Variants in CACNB2 observed in about 807,000 individuals in gnomAD.
CACNB2 encodes calcium voltage-gated channel auxiliary subunit beta 2, also known as voltage-dependent L-type calcium channel subunit beta-2.
In CACNB2, 42 loss-of-function variants were observed where a neutral mutation model predicts 73.3. That is an observed-to-expected ratio of 0.57 (90% CI 0.45 to 0.74). The LOEUF (loss-of-function observed/expected upper bound fraction) is 0.74. CACNB2 is among the 30% of genes least tolerant of loss of function. The pLI, the probability that CACNB2 is intolerant of heterozygous loss-of-function variation, is 0.00. For synonymous variants in CACNB2, 348 were observed against 310.3 expected (o/e 1.12, Z -1.28); for missense variants, 940 against 853.0 (o/e 1.10, Z -1.27).
chr10:18,381,580 G>T (rs561181051), intron 2 of CACNB2, among the ~76,000 whole-genome samples: 1 of 151,200 alleles, frequency 6.6e-6, no homozygotes, highest in Non-Finnish European at 1.5e-5. Context: ...CCCAGCTACT[G>T]GGGTGGCTGA....
intron 2 of CACNB2, among the ~76,000 whole-genome samples, chr10:18,367,032 A>G (rs2042382159): frequency 6.6e-6 from 1 of 152,198 alleles, no homozygotes; most frequent in African/African-American, 2.4e-5. Flanking sequence ...CTGAGAATTT[A>G]CTTCGAGGTG....
At chr10:18,168,912 C>T (rs1164528345) in intron 2 of CACNB2, among the ~76,000 whole-genome samples, 1 of 152,152 alleles carries the variant, frequency 6.6e-6, no homozygotes, top group Non-Finnish European at 1.5e-5. Flanking sequence ...CCTGCAAAGA[C>T]CTTATAAAAT....
intron 2 of CACNB2, among the ~76,000 whole-genome samples, chr10:18,157,674 C>A (rs943402936): frequency 3.3e-5 from 5 of 152,086 alleles, no homozygotes; most frequent in Admixed American, 6.6e-5. Flanking sequence ...AGGTTGGAGT[C>A]AAAATCTGAG....
At chr10:18,290,475 T>A (rs2039020163) in intron 2 of CACNB2, among the ~76,000 whole-genome samples, 1 of 152,174 alleles carries the variant, frequency 6.6e-6, no homozygotes, top group South Asian at 2.1e-4. Flanking sequence ...CACCTCAATC[T>A]CTTGGTCAAA....
chr10:18,431,795 C>T (rs752273716), intron 3 of CACNB2, among the ~76,000 whole-genome samples: 10 of 151,866 alleles, frequency 6.6e-5, no homozygotes, highest in Admixed American at 2.0e-4. Context: ...GATGGAGTCT[C>T]GCTCTGTTGC....
chr10:18,452,266 G>GA (rs981693830), intron 3 of CACNB2, among the ~76,000 whole-genome samples: 2 of 151,784 alleles, frequency 1.3e-5, no homozygotes, highest in Non-Finnish European at 2.9e-5. Flanking sequence ...TTACCAAATA[G>GA]AAAAAAAATT....
intron 3 of CACNB2, among the ~76,000 whole-genome samples, chr10:18,460,709 A>G (rs2047526043): frequency 1.3e-5 from 2 of 151,972 alleles, no homozygotes; most frequent in Admixed American, 1.3e-4. Context: ...TGGACAATGT[A>G]GTGAAACCCC....
chr10:18,219,986 C>T (rs572069111), intron 2 of CACNB2, among the ~76,000 whole-genome samples: 100 of 147,616 alleles, frequency 6.8e-4, no homozygotes, highest in Middle Eastern at 3.5e-3. Context: ...AGGCTGGTCA[C>T]GAACTCCTGA....
At chr10:18,499,392 C>A (rs11596678) in intron 4 of CACNB2, among the ~76,000 whole-genome samples, 3 of 151,822 alleles carry the variant, frequency 2.0e-5, no homozygotes, top group Admixed American at 1.3e-4. Context: ...CCAAGGTGGG[C>A]GGATCACAAG....
rs373389018 is a variant in CACNB2, at chr10:18,540,184, G to GCTGACTGA, written c.*466_*467insGACTGACT. 12 of 184,542 alleles carry GCTGACTGA rather than the reference G, an allele frequency of 6.5e-5. No individual in the cohort carries two copies. The highest frequency in any genetic ancestry group is 2.2e-4 in the South Asian group (2 of 9,072). 11.4% of individuals were successfully genotyped at this position (184,542 alleles called of 1,614,324 possible). On this transcript the variant is annotated 3_prime_UTR_variant, in exon 14 of 14. Coordinates refer to ENST00000324631, the MANE Select transcript of CACNB2 (RefSeq NM_201596.3). ...CCACTGTTTCTTGCTTGTACCTCTG[G>GCTGACTGA]CTGACTAAATTTGGGGACAGATTCA...
intron 3 of CACNB2, among the ~76,000 whole-genome samples, chr10:18,416,612 A>G (rs937887167): frequency 5.3e-5 from 8 of 152,168 alleles, no homozygotes; most frequent in Admixed American, 1.3e-4. Flanking sequence ...GGGTTTTGCC[A>G]TATTGGCCAG....
At position 18,479,180 on chromosome 10, in the gene CACNB2, TTATCTGTATACGTA is replaced by T. The variant is rs2048591901; in HGVS notation, c.334-19165_334-19152del. 2.6e-5 allele frequency among the ~76,000 whole-genome samples: 4 copies of T among 152,226 alleles called. No individual in the cohort carries two copies. In the South Asian group the frequency reaches 8.3e-4, roughly 31 times the overall value. On this transcript the variant is annotated intron_variant, in intron 3 of 13. Transcript: ENST00000324631. ...TACACATATCTGTGTGTACATATTG[TTATCTGTATACGTA>T]TATCTGTATTATATAACATATATAA...
intron 10 of CACNB2, among the ~76,000 whole-genome samples, chr10:18,532,676 C>CAAAAAAAAAAAAAAAAAA (rs1219587375): frequency 4.0e-4 from 37 of 92,530 alleles, no homozygotes; most frequent in Non-Finnish European, 6.9e-4. Context: ...GACTCTGTCT[C>CAAAAAAAAAAAAAAAAAA]AAAAAAAAAA....
rs988595568 is a variant in CACNB2, at chr10:18,398,698, C to T, written c.214-3226C>T. ...ACACACACACACACACACATACACA[C>T]ACACACACACACACACAATTGTTTT... On this transcript the variant is annotated intron_variant, in intron 2 of 13. Coordinates refer to ENST00000324631, the MANE Select transcript of CACNB2 (RefSeq NM_201596.3). Among the ~76,000 whole-genome samples, 71 of 147,408 alleles carry T rather than the reference C, an allele frequency of 4.8e-4. 1 individual carries two copies. In the South Asian group the frequency reaches 0.015, roughly 32 times the overall value.
At chr10:18,252,202 C>T (rs920486156) in intron 2 of CACNB2, among the ~76,000 whole-genome samples, 1 of 152,116 alleles carries the variant, frequency 6.6e-6, no homozygotes, top group Non-Finnish European at 1.5e-5. Flanking sequence ...TTTAGCTTCC[C>T]CTGACCGTCA....
At chr10:18,232,097 A>G (rs1488780407) in intron 2 of CACNB2, among the ~76,000 whole-genome samples, 3 of 152,230 alleles carry the variant, frequency 2.0e-5, no homozygotes, top group African/African-American at 7.2e-5. Context: ...GAAGGTAACA[A>G]TGATACATAC....
At chr10:18,334,510 G>A (rs1186835805) in intron 2 of CACNB2, among the ~76,000 whole-genome samples, 1 of 152,174 alleles carries the variant, frequency 6.6e-6, no homozygotes, top group Admixed American at 6.5e-5. Flanking sequence ...ATACTTGAAA[G>A]CACTTCACAT....
chr10:18,317,096 TC>T (rs1024148532), intron 2 of CACNB2, among the ~76,000 whole-genome samples: 2 of 151,778 alleles, frequency 1.3e-5, no homozygotes, highest in Non-Finnish European at 2.9e-5. Context: ...GTCTCCCCAT[TC>T]CCCACACCAC....
At chr10:18,477,547 G>T (rs1334731156) in intron 3 of CACNB2, among the ~76,000 whole-genome samples, 1 of 152,154 alleles carries the variant, frequency 6.6e-6, no homozygotes, top group Non-Finnish European at 1.5e-5. Flanking sequence ...CAATTTAGAA[G>T]CTCACTTTGC....
Sources: gnomAD v4.1 joint callset for allele counts (sites outside exome capture counted in the v4.1 genomes callset) on GRCh38, gnomAD v4.1.1 for gene constraint, MANE v1.5 for transcripts, NCBI Gene and HGNC (gene_info 2026-07-23, HGNC 2026-07-21) for gene names.